SPTBN1: variants seen among roughly 807,000 people sequenced by gnomAD.
The protein encoded by SPTBN1 is spectrin beta, non-erythrocytic 1, also known as spectrin beta chain, non-erythrocytic 1.
A neutral mutation model predicts 266.4 loss-of-function variants in SPTBN1; 32 were observed. The observed-to-expected ratio is 0.12, with a 90% CI of 0.09 to 0.16. SPTBN1 has a LOEUF of 0.16. SPTBN1 is among the 10% of genes least tolerant of loss of function. The pLI, the probability that SPTBN1 is intolerant of heterozygous loss-of-function variation, is 1.00. For missense variants in SPTBN1, 2,296 were observed against 3,067.1 expected (o/e 0.75, Z 5.94); for synonymous variants, 1,336 against 1,162.2 (o/e 1.15, Z -3.04).
intron 24 of SPTBN1, among the ~76,000 whole-genome samples, chr2:54,647,501 C>T (rs1008218483): frequency 6.6e-6 from 1 of 152,174 alleles, no homozygotes; most frequent in Non-Finnish European, 1.5e-5. Context: ...GGCCAAGGCT[C>T]TCCTGAAAGA....
At chr2:54,654,262 G>A (rs1032820620) in intron 27 of SPTBN1, among the ~76,000 whole-genome samples, 1 of 152,144 alleles carries the variant, frequency 6.6e-6, no homozygotes, top group Non-Finnish European at 1.5e-5. Context: ...TTGGATTAAA[G>A]ACCACTCTAT....
intron 2 of SPTBN1, among the ~76,000 whole-genome samples, chr2:54,532,754 C>T (rs1048916177): frequency 6.6e-6 from 1 of 152,146 alleles, no homozygotes; most frequent in African/African-American, 2.4e-5. Context: ...TTTTTGGAAA[C>T]CAGCATTTTA....
At chr2:54,614,709 A>G (rs947486201) in intron 4 of SPTBN1, among the ~76,000 whole-genome samples, 3 of 152,060 alleles carry the variant, frequency 2.0e-5, no homozygotes, top group African/African-American at 4.8e-5. Context: ...AAGCTGAGGC[A>G]GGAGAATCGC....
rs1469941861 is a variant in SPTBN1, at chr2:54,655,974, G to A, written c.6022G>A (p.Asp2008Asn). 2 of 1,613,400 alleles carry A rather than the reference G, an allele frequency of 1.2e-6. No homozygotes were observed. The highest frequency in any genetic ancestry group is 2.2e-5 in the East Asian group (1 of 44,860). ...GAAAGAAATGATCGACAAGTGGGAA[G>A]ACCGATGGGAATGGTTAAGACTGAG... ...KRKEMIDKWE[D>N]RWEWLRLILE... Residue 2008 changes from aspartate (D) to asparagine (N), a missense_variant, in exon 29 of 36, where the codon GAC (aspartate) becomes AAC (asparagine). Transcript: ENST00000356805.
chr2:54,570,177 C>T lies in SPTBN1; in HGVS notation c.149-28915C>T, dbSNP rs548721301. ...CCTGTAGCCAGACTCATATTAACTG[C>T]CCCCCATGGGTGTGTTGAATGCCTC... On this transcript the variant is annotated intron_variant, in intron 2 of 35. Coordinates refer to ENST00000356805, the MANE Select transcript of SPTBN1 (RefSeq NM_003128.3). Among the ~76,000 whole-genome samples the T allele has an allele frequency of 2.0e-5, 3 of 152,280 alleles. No homozygotes were observed. In the East Asian group the frequency reaches 5.8e-4, roughly 29 times the overall value.
At chr2:54,656,068 T>G (rs1472219341) in intron 29 of SPTBN1, 70 bp downstream of exon 29, 3 of 1,298,078 alleles carry the variant, frequency 2.3e-6, no homozygotes, top group African/African-American at 3.0e-5. Flanking sequence ...TTTTCTTGCT[T>G]TAATTCATTA....
chr2:54,566,185 C>CTTTTTTTTTTTTT (rs59369956), intron 2 of SPTBN1, among the ~76,000 whole-genome samples: 3 of 125,224 alleles, frequency 2.4e-5, no homozygotes, highest in African/African-American at 3.1e-5. Context: ...TTTCTTTTTT[C>CTTTTTTTTTTTTT]TTTTTTTTTT....
intron 2 of SPTBN1, among the ~76,000 whole-genome samples, chr2:54,548,431 A>G (rs567735983): frequency 1.3e-5 from 2 of 152,266 alleles, no homozygotes; most frequent in South Asian, 4.2e-4. Context: ...ACATAAACAG[A>G]TATCACTCAT....
At chr2:54,514,174 A>G (rs921958936) in intron 1 of SPTBN1, among the ~76,000 whole-genome samples, 5 of 152,158 alleles carry the variant, frequency 3.3e-5, no homozygotes, top group Non-Finnish European at 7.4e-5. Context: ...GAGGGGTGCC[A>G]TGTTTCTGTC....
intron 2 of SPTBN1, among the ~76,000 whole-genome samples, chr2:54,581,867 A>T (rs532349948): frequency 1.3e-5 from 2 of 152,292 alleles, no homozygotes; most frequent in South Asian, 4.1e-4. Flanking sequence ...ACCACAAGCT[A>T]TGCTTTTTAT....
At chr2:54,465,454 A>G (rs1230183721) in intron 1 of SPTBN1, among the ~76,000 whole-genome samples, 1 of 152,146 alleles carries the variant, frequency 6.6e-6, no homozygotes, top group Non-Finnish European at 1.5e-5. Flanking sequence ...ACATTTTAAA[A>G]TAAAAATCAC....
At chr2:54,541,892 T>C (rs1351809519) in intron 2 of SPTBN1, among the ~76,000 whole-genome samples, 1 of 152,246 alleles carries the variant, frequency 6.6e-6, no homozygotes, top group East Asian at 1.9e-4. Context: ...CACAAAGTAG[T>C]GTTTACGTGT....
chr2:54,529,148 T>C (rs532818589), intron 2 of SPTBN1, among the ~76,000 whole-genome samples: 1 of 152,300 alleles, frequency 6.6e-6, no homozygotes, highest in East Asian at 1.9e-4. Context: ...GGGGATAATT[T>C]ACATATCCAA....
rs79138794 is a variant in SPTBN1 at position 54,637,699 on chromosome 2, T to C, written c.3768-14T>C. The C allele has an allele frequency of 4.7e-3, 7,574 of 1,596,250 alleles. 270 individuals are homozygous for C. The African/African-American group carries it at 0.082, about 17-fold the overall frequency. ...TTCCTTTTTTAAAAATTATTTTTGT[T>C]ACCATTCTAATAGACATAGGAAGAA... is the stretch of plus-strand genomic sequence containing the variant. On this transcript the variant is annotated splice_polypyrimidine_tract_variant and intron_variant, in intron 17 of 35. Coordinates refer to ENST00000356805, the MANE Select transcript of SPTBN1 (RefSeq NM_003128.3).
intron 7 of SPTBN1, among the ~76,000 whole-genome samples, chr2:54,618,606 C>T (rs562271748): frequency 1.3e-5 from 2 of 152,194 alleles, no homozygotes; most frequent in Non-Finnish European, 2.9e-5. Context: ...CAGCTGTGCT[C>T]GAAGTAGAAA....
chr2:54,533,063 TA>T lies in SPTBN1; in HGVS notation c.148+6498del, dbSNP rs1671353439. On this transcript the variant is annotated intron_variant, in intron 2 of 35. Transcript: ENST00000356805. This position sits in a 1 kb window ranked among gnomAD's most constrained non-coding sequence, Gnocchi z 4.2. The stretch of plus-strand genomic sequence containing the variant: ...ATCTGAATTGCCAGCCCAGGGCCAT[TA>T]TTAAGTCAAATAAGGGTTACCTGAC... Among the ~76,000 whole-genome samples, 1 of 152,152 alleles carries T rather than the reference TA, an allele frequency of 6.6e-6. No individual in the cohort carries two copies. Among genetic ancestry groups the T allele is most frequent in the African/African-American group, 2.4e-5 (1 of 41,430 alleles).
rs373326380 is a variant in SPTBN1 at position 54,653,668 on chromosome 2, C to T, written c.5637C>T (p.Ala1879=). The change falls in exon 27 of 36, where the codon GCC becomes GCT. Residue 1879 remains alanine, a synonymous_variant. Transcript: ENST00000356805. The surrounding 1 kb of genome is among the most constrained non-coding windows in gnomAD (Gnocchi z 5.1). ...RLQAAYAGDK[A]DDIQKRENEV... ...AGGCGGCCTATGCGGGTGACAAGGC[C>T]GACGATATCCAGAAGCGCGAGAACG... 8.1e-6 allele frequency: 13 copies of T among 1,614,080 alleles called. 1 individual carries two copies. Among genetic ancestry groups the T allele is most frequent in the South Asian group, 4.4e-5 (4 of 91,086 alleles).
At position 54,581,596 on chromosome 2, in the gene SPTBN1, T is replaced by C. The variant is rs577422406; in HGVS notation, c.149-17496T>C. 3.6e-4 allele frequency among the ~76,000 whole-genome samples: 49 copies of C among 134,640 alleles called. 1 individual carries two copies. In the South Asian group the frequency reaches 9.7e-3, roughly 27 times the overall value. 88.3% of individuals were successfully genotyped at this position (134,640 alleles called of 152,430 possible). On this transcript the variant is annotated intron_variant, in intron 2 of 35. Coordinates refer to ENST00000356805, the MANE Select transcript of SPTBN1 (RefSeq NM_003128.3). ...TTTGCCCTTTTTTTTTTTTTTTTTT[T>C]TTTTGAAACTTTTATTTGCTCTGGG...
chr2:54,600,764 A>T (rs2103699931), intron 3 of SPTBN1, among the ~76,000 whole-genome samples: 1 of 140,200 alleles, frequency 7.1e-6, no homozygotes, highest in African/African-American at 2.7e-5. Flanking sequence ...GAAAGTAGCT[A>T]AAAAAAATCA....
Sources: allele counts gnomAD v4.1 joint callset (sites outside exome capture counted in the v4.1 genomes callset), GRCh38; gene constraint gnomAD v4.1.1; non-coding constraint Gnocchi (gnomAD v3.1); transcripts MANE v1.5; gene names NCBI Gene and HGNC (gene_info 2026-07-23, HGNC 2026-07-21).